The following SLC3A2 variants were observed in gnomAD, a reference collection of about 807,000 sequenced individuals.
SLC3A2 encodes amino acid transporter heavy chain SLC3A2.
A neutral mutation model predicts 48.5 loss-of-function variants in SLC3A2; 32 were observed. That is an observed-to-expected ratio of 0.66 (90% CI 0.50 to 0.89). The LOEUF is 0.89. Among genes scored for constraint, SLC3A2 ranks in the 40% least tolerant of loss-of-function variants. The pLI is 0.00. For synonymous variants in SLC3A2, 277 were observed against 288.8 expected (o/e 0.96, Z 0.41); for missense variants, 587 against 680.7 (o/e 0.86, Z 1.53).
chr11:62,883,070 T>A lies in SLC3A2; in HGVS notation c.690+71T>A, dbSNP rs747312099. On this transcript the variant is annotated intron_variant, in intron 3 of 8. Transcript: ENST00000338663. ...GGGACAGTCCTTTCACAGCAAGCCC[T>A]GTAGACCCAGCCTGACTCCAGCTGA... 507 of 1,419,488 alleles carry A rather than the reference T, an allele frequency of 3.6e-4. 2 individuals carry two copies. The highest frequency in any genetic ancestry group is 3.8e-4 in the Non-Finnish European group (377 of 1,003,528). 87.9% of individuals were successfully genotyped at this position (1,419,488 alleles called of 1,614,324 possible). A position where few individuals can be genotyped will look rare whatever the true frequency, so the allele number is the denominator to read the frequency against.
chr11:62,858,181 G>A (rs530008722), intron 1 of SLC3A2, among the ~76,000 whole-genome samples: 2 of 152,252 alleles, frequency 1.3e-5, no homozygotes, highest in East Asian at 3.9e-4. Flanking sequence ...AAGTATAATG[G>A]CAGTGGAAGT....
At position 62,881,335 on chromosome 11, in the gene SLC3A2, G is replaced by A; in HGVS notation, c.312G>A (p.Val104=). The A allele has an allele frequency of 6.3e-7, 1 of 1,586,900 alleles. No individual in the cohort carries two copies. Among genetic ancestry groups the A allele is most frequent in the South Asian group, 1.1e-5 (1 of 87,924 alleles). The change falls in exon 1 of 9, where the codon GTG becomes GTA. Residue 104 remains valine (V), a synonymous_variant. Coordinates refer to ENST00000338663, the MANE Select transcript of SLC3A2 (RefSeq NM_001013251.3). The surrounding 1 kb of genome is among the most constrained non-coding windows in gnomAD (Gnocchi z 4.0). ...TTGCTGGTGCCGTGGTCATAATCGT[G>A]CGAGCGCCGCGTTGTCGCGAGCTAC... ...GMLAGAVVII[V]RAPRCRELPA... is the part of the protein sequence containing the mutation.
At chr11:62,874,466 A>G (rs2134995880) in intron 1 of SLC3A2, among the ~76,000 whole-genome samples, 1 of 152,196 alleles carries the variant, frequency 6.6e-6, no homozygotes, top group East Asian at 1.9e-4. Context: ...TACTTTTCAG[A>G]TGGTGCATTT....
At chr11:62,857,057 G>A (rs1267474719) in intron 1 of SLC3A2, among the ~76,000 whole-genome samples, 2 of 151,828 alleles carry the variant, frequency 1.3e-5, no homozygotes, top group East Asian at 1.9e-4. Flanking sequence ...TCCTGACCTC[G>A]GGTGATCCGC....
At chr11:62,882,095 A>G (rs1716634117) in intron 2 of SLC3A2, 29 bp downstream of exon 2, 2 of 1,613,164 alleles carry the variant, frequency 1.2e-6, no homozygotes, top group South Asian at 2.2e-5. Context: ...CCAAGGAAAC[A>G]GCTAGAAAGG....
At position 62,869,295 on chromosome 11, in the gene SLC3A2, T is replaced by C. The variant is rs555262253; in HGVS notation, c.113-11724T>C. ...ATCCCTGCACTTTGGGAGGCCGAGA[T>C]GGGCGGATCACAAGGTCAGGAGATC... On this transcript the variant is annotated intron_variant, in intron 1 of 9. Transcript: ENST00000377889. 3.0e-3 allele frequency among the ~76,000 whole-genome samples: 455 copies of C among 151,416 alleles called. 3 individuals carry two copies. The highest frequency in any genetic ancestry group is 9.5e-3 in the African/African-American group (391 of 41,338).
At position 62,888,479 on chromosome 11, in the gene SLC3A2, A is replaced by G. The variant is rs1269585789; in HGVS notation, c.1376A>G (p.Asn459Ser). ...TCCTATATCCGCCACTGGGACCAGAATGAGCGTTTTCTGGTAGTGCTTAAC... is the reference window on the plus strand; with the variant it reads ...TCCTATATCCGCCACTGGGACCAGAGTGAGCGTTTTCTGGTAGTGCTTAAC... ...LFSYIRHWDQ[N>S]ERFLVVLNFG... Residue 459 changes from asparagine (N) to serine (S), a missense_variant, in exon 9 of 9, where the codon AAT becomes AGT. Physicochemically the swap from Asn to Ser is conservative, Grantham distance 46. Around this residue, in one of 3 missense-constraint regions of SLC3A2, gnomAD observed 169 missense variants for 204.4 expected, o/e 0.83. Transcript: ENST00000338663. 4 of 1,614,216 alleles carry G rather than the reference A, an allele frequency of 2.5e-6. No individual in the cohort carries two copies. Among genetic ancestry groups the G allele is most frequent in the Admixed American group, 1.7e-5 (1 of 60,028 alleles).
upstream of SLC3A2, among the ~76,000 whole-genome samples, chr11:62,878,959 G>C (rs1236194658): frequency 6.6e-6 from 1 of 151,874 alleles, no homozygotes; most frequent in Non-Finnish European, 1.5e-5. Flanking sequence ...TTTTAGTAGA[G>C]ATGGGGTTTC....
chr11:62,883,743 T>C, intron 3 of SLC3A2: 6 of 269,548 alleles, frequency 2.2e-5, no homozygotes, highest in South Asian at 2.2e-4. Context: ...TGTTTTTGGA[T>C]GGTTTGGCAT....
chr11:62,882,709 C>T (rs374474452), intron 2 of SLC3A2, 199 bp from the exon 3 acceptor site: 18 of 564,600 alleles, frequency 3.2e-5, no homozygotes, highest in Middle Eastern at 3.2e-4. Context: ...GTTTTGAACT[C>T]GCCTGGCCTG....
At chr11:62,884,026 A>C in intron 3 of SLC3A2, 1 of 458,224 alleles carries the variant, frequency 2.2e-6, no homozygotes. Context: ...CTTGACTGAC[A>C]TTTTAGATCC....
intron 1 of SLC3A2, among the ~76,000 whole-genome samples, chr11:62,862,791 G>C (rs1405395582): frequency 6.6e-6 from 1 of 152,096 alleles, no homozygotes; most frequent in East Asian, 1.9e-4. Flanking sequence ...GAGAGGTCTG[G>C]AGAGTGTTTG....
At chr11:62,883,134 C>T in intron 3 of SLC3A2, 135 bp downstream of exon 3, 1 of 721,498 alleles carries the variant, frequency 1.4e-6, no homozygotes, top group Non-Finnish European at 2.5e-6. Flanking sequence ...GGAATGCCTC[C>T]TCCTATAGCC....
Position 62,881,665 on chromosome 11 carries a change from C to T in SLC3A2, c.424+218C>T, listed in dbSNP as rs1177157624. 1.4e-5 allele frequency: 12 copies of T among 871,340 alleles called. No homozygotes were observed. In the East Asian group the frequency reaches 2.7e-4, roughly 20 times the overall value. The allele number at this position is 871,340 out of a possible 1,614,324, so 54.0% of individuals were successfully genotyped here. On this transcript the variant is annotated intron_variant, in intron 1 of 8. Transcript: ENST00000338663. This position sits in a 1 kb window ranked among gnomAD's most constrained non-coding sequence, Gnocchi z 4.0. The stretch of plus-strand genomic sequence containing the variant: ...CTCACTCCGTCACGAGGGTGGGTGA[C>T]TCAGCGTCCTCCTTCCCCGCGGCGC...
At chr11:62,885,396 A>G in intron 6 of SLC3A2, 39 bp downstream of exon 6, 1 of 1,613,760 alleles carries the variant, frequency 6.2e-7, no homozygotes, top group South Asian at 1.1e-5. Flanking sequence ...CAGATGGGAG[A>G]AGAAAGGGTT....
rs372443333 is a variant in SLC3A2, at chr11:62,888,565, C to G, written c.1462C>G (p.Leu488Val). Residue 488 changes from leucine (L) to valine (V), a missense_variant, in exon 9 of 9, where the codon CTG becomes GTG. Physicochemically the swap from Leu to Val is conservative, Grantham distance 32 (BLOSUM62 1). Around this residue, in one of 3 missense-constraint regions of SLC3A2, gnomAD observed 169 missense variants for 204.4 expected, o/e 0.83. Coordinates refer to ENST00000338663, the MANE Select transcript of SLC3A2 (RefSeq NM_001013251.3). ...QASDLPASAS[L>V]PAKADLLLST... ...CTCCGACCTGCCTGCCAGCGCCAGC[C>G]TGCCAGCCAAGGCTGACCTCCTGCT... 7 of 1,613,922 alleles carry G rather than the reference C, an allele frequency of 4.3e-6. No individual in the cohort carries two copies. Among genetic ancestry groups the G allele is most frequent in the Non-Finnish European group, 5.9e-6 (7 of 1,180,038 alleles).
Position 62,888,472 on chromosome 11 carries a change from G to A in SLC3A2, c.1369G>A (p.Asp457Asn). Residue 457 changes from aspartate to asparagine, a missense_variant, in exon 9 of 9, where the codon GAC becomes AAC. Physicochemically the swap from Asp to Asn is conservative, Grantham distance 23 (BLOSUM62 1). Coordinates refer to ENST00000338663, the MANE Select transcript of SLC3A2 (RefSeq NM_001013251.3). ...ACTCTTCTCCTATATCCGCCACTGG[G>A]ACCAGAATGAGCGTTTTCTGGTAGT... The part of the protein sequence containing the change: ...PGLFSYIRHW[D>N]QNERFLVVLN... 1.2e-6 allele frequency: 2 copies of A among 1,614,220 alleles called. No homozygotes were observed. The highest frequency in any genetic ancestry group is 1.7e-6 in the Non-Finnish European group (2 of 1,180,050).
chr11:62,864,908 T>C (rs2085437712), intron 1 of SLC3A2, among the ~76,000 whole-genome samples: 1 of 152,038 alleles, frequency 6.6e-6, no homozygotes, highest in Admixed American at 6.6e-5. Flanking sequence ...CCAGTCCCCG[T>C]TTAAACACTT....
At chr11:62,865,041 C>T (rs2085438843) in intron 1 of SLC3A2, among the ~76,000 whole-genome samples, 1 of 152,142 alleles carries the variant, frequency 6.6e-6, no homozygotes. Flanking sequence ...ATGTGGGAAT[C>T]ATGATGAAGC....
Sources: gnomAD v4.1 joint callset for allele counts (sites outside exome capture counted in the v4.1 genomes callset) on GRCh38, gnomAD v4.1.1 for gene constraint, gnomAD v4.1.1 regional missense constraint, Gnocchi (gnomAD v3.1) non-coding constraint, MANE v1.5 for transcripts, NCBI Gene and HGNC (gene_info 2026-07-23, HGNC 2026-07-21) for gene names.